NEK6: variants seen among roughly 807,000 people sequenced by gnomAD.
NEK6 encodes serine/threonine-protein kinase Nek6.
In NEK6, 27 loss-of-function variants were observed where a neutral mutation model predicts 43.5. The observed-to-expected ratio is 0.62, with a 90% CI of 0.46 to 0.86. The LOEUF (loss-of-function observed/expected upper bound fraction) is 0.86. Ranked by LOEUF, NEK6 falls within the 40% of genes least tolerant of loss-of-function variation. The pLI, the probability that NEK6 is intolerant of heterozygous loss-of-function variation, is 0.00. For synonymous variants in NEK6, 167 were observed against 164.1 expected (o/e 1.02, Z -0.14); for missense variants, 318 against 414.4 (o/e 0.77, Z 2.02).
intron 1 of NEK6, among the ~76,000 whole-genome samples, chr9:124,282,694 A>G (rs1056576201): frequency 7.2e-5 from 11 of 152,212 alleles, no homozygotes; most frequent in Non-Finnish European, 1.5e-5. Flanking sequence ...GACTCTCTGC[A>G]TCCCAGATTC....
At chr9:124,285,600 A>G (rs1832119925) in intron 1 of NEK6, among the ~76,000 whole-genome samples, 1 of 152,186 alleles carries the variant, frequency 6.6e-6, no homozygotes, top group Admixed American at 6.5e-5. Context: ...GATCCGAGCA[A>G]CAGCCGAGAT....
intron 8 of NEK6, among the ~76,000 whole-genome samples, chr9:124,341,633 T>G (rs926808713): frequency 1.3e-5 from 2 of 152,078 alleles, no homozygotes; most frequent in African/African-American, 4.8e-5. Context: ...GGAAGGGGCC[T>G]GCAGGTGAAA....
At chr9:124,292,919 C>T in intron 1 of NEK6, 2 of 1,533,848 alleles carry the variant, frequency 1.3e-6, no homozygotes, top group African/African-American at 1.4e-5. Context: ...CGGGGTGAGT[C>T]CAGGAAGGCT....
In NEK6 at chr9:124,318,593, CTGTT is replaced by C. The variant is rs554993804; in HGVS notation, c.295-2861_295-2858del. Among the ~76,000 whole-genome samples the C allele has an allele frequency of 2.5e-3, 376 of 152,148 alleles. 1 individual carries two copies. Among genetic ancestry groups the C allele is most frequent in the Non-Finnish European group, 4.4e-3 (298 of 67,990 alleles). On this transcript the variant is annotated intron_variant, in intron 4 of 9. Coordinates refer to ENST00000320246, the MANE Select transcript of NEK6 (RefSeq NM_014397.6). ...ATTAGTGATGTTGGGCATTTTTTTC[CTGTT>C]TGTTAGTTGCTTGTATGTCTTCTTT...
chr9:124,331,435 T>C (rs548406278), intron 7 of NEK6, among the ~76,000 whole-genome samples: 25 of 151,998 alleles, frequency 1.6e-4, no homozygotes, highest in African/African-American at 5.5e-4. Context: ...TCAGCTCAAG[T>C]TGAAGAGCCC....
Position 124,339,582 on chromosome 9 carries a change from T to C in NEK6, c.634T>C (p.Tyr212His). 1 of 1,613,842 alleles carries C rather than the reference T, an allele frequency of 6.2e-7. No homozygotes were observed. The highest frequency in any genetic ancestry group is 8.5e-7 in the Non-Finnish European group (1 of 1,179,778). Residue 212 changes from tyrosine (Y) to histidine (H), a missense_variant, in exon 8 of 10, where the codon TAC becomes CAC. This residue lies in a region of NEK6 where 239 missense variants were observed against 344.4 expected (regional missense o/e 0.69). Transcript: ENST00000320246. ...TAAHSLVGTP[Y>H]YMSPERIHEN... ...TTGCTGTGTTGCAGTGGGGACGCCC[T>C]ACTACATGTCACCGGAGAGGATCCA...
In NEK6 at chr9:124,347,792, C is replaced by A. The variant is rs751111474; in HGVS notation, c.801C>A (p.Pro267=). 2 of 1,612,862 alleles carry A rather than the reference C, an allele frequency of 1.2e-6. No homozygotes were observed. The highest frequency in any genetic ancestry group is 1.7e-6 in the Non-Finnish European group (2 of 1,179,274). ...AGAAGATCGAGCAGTGTGACTACCC[C>A]CCACTCCCCGGGGAGCACTACTCCG... ...LCQKIEQCDY[P]PLPGEHYSEK... The change falls in exon 9 of 10, where the codon CCC becomes CCA. Residue 267 remains proline, a synonymous_variant. Coordinates refer to ENST00000320246, the MANE Select transcript of NEK6 (RefSeq NM_014397.6).
At chr9:124,300,999 A>G (rs575496866) in intron 1 of NEK6, among the ~76,000 whole-genome samples, 2 of 152,306 alleles carry the variant, frequency 1.3e-5, no homozygotes, top group East Asian at 1.9e-4. Flanking sequence ...AGTCCCTTCC[A>G]TGCACACCAT....
At chr9:124,329,401 A>G (rs1361826486) in intron 7 of NEK6, among the ~76,000 whole-genome samples, 1 of 152,242 alleles carries the variant, frequency 6.6e-6, no homozygotes, top group African/African-American at 2.4e-5. Context: ...GGATCGCATC[A>G]TTAGGAATGG....
At chr9:124,280,188 C>T (rs1053485234) in intron 1 of NEK6, among the ~76,000 whole-genome samples, 1 of 152,268 alleles carries the variant, frequency 6.6e-6, no homozygotes, top group African/African-American at 2.4e-5. Context: ...CCAGTCCACA[C>T]TTGTGGCTTT....
intron 7 of NEK6, 100 bp downstream of exon 7, chr9:124,327,545 C>G (rs1453318554): frequency 1.1e-6 from 1 of 890,696 alleles, no homozygotes; most frequent in East Asian, 2.4e-5. Context: ...TCAGTTAGTG[C>G]AGGAAGATGC....
intron 1 of NEK6, among the ~76,000 whole-genome samples, chr9:124,273,097 G>A (rs116589166): frequency 4.1e-4 from 63 of 152,250 alleles, no homozygotes; most frequent in African/African-American, 6.7e-4. Flanking sequence ...CCATTTCCGC[G>A]TGAGCCAGGA....
At chr9:124,309,074 A>G (rs1297660238) in intron 2 of NEK6, among the ~76,000 whole-genome samples, 1 of 151,714 alleles carries the variant, frequency 6.6e-6, no homozygotes, top group Non-Finnish European at 1.5e-5. Flanking sequence ...AGCTGCCCCC[A>G]GGAGCCTGGT....
intron 7 of NEK6, among the ~76,000 whole-genome samples, chr9:124,334,921 G>A (rs1229462375): frequency 6.6e-6 from 1 of 152,232 alleles, no homozygotes; most frequent in African/African-American, 2.4e-5. Context: ...CAGATCCACA[G>A]TGAGCAGAGG....
chr9:124,257,676 A>C, upstream of NEK6: 1 of 1,532,744 alleles, frequency 6.5e-7, no homozygotes, highest in Non-Finnish European at 8.7e-7. Flanking sequence ...GACCCTCATC[A>C]TAAGTCTAGA....
At chr9:124,333,008 A>T (rs1030557248) in intron 7 of NEK6, among the ~76,000 whole-genome samples, 3 of 152,038 alleles carry the variant, frequency 2.0e-5, no homozygotes, top group African/African-American at 7.2e-5. Context: ...ATGGGCCGGG[A>T]TAAGGCCCGG....
chr9:124,345,830 C>T (rs533817410), intron 8 of NEK6, among the ~76,000 whole-genome samples: 1 of 152,208 alleles, frequency 6.6e-6, no homozygotes, highest in Non-Finnish European at 1.5e-5. Context: ...AACAGATGTC[C>T]TTTGAAAATG....
Position 124,313,975 on chromosome 9 carries a change from G to A in NEK6, c.284G>A (p.Gly95Asp), listed in dbSNP as rs774713096. 6.2e-7 allele frequency: 1 copy of A among 1,614,168 alleles called. No homozygotes were observed. The highest frequency in any genetic ancestry group is 8.5e-7 in the Non-Finnish European group (1 of 1,180,002). Residue 95 changes from glycine (G) to aspartate (D), a missense_variant, in exon 4 of 10, where the codon GGC becomes GAC. By Grantham distance (94) the Gly-to-Asp change is moderately conservative. Coordinates refer to ENST00000320246, the MANE Select transcript of NEK6 (RefSeq NM_014397.6). ...AGGCAGGACTGTGTCAAGGAGATCG[G>A]CCTCTTGAAGGTGAGCACCCTGGGC... ...KARQDCVKEI[G>D]LLKQLNHPNI... is the part of the protein sequence containing the mutation.
chr9:124,310,757 C>T (rs1040651686), intron 2 of NEK6, among the ~76,000 whole-genome samples: 3 of 152,200 alleles, frequency 2.0e-5, no homozygotes, highest in African/African-American at 4.8e-5. Context: ...CACCACCACA[C>T]CCGGCTAATT....
Sources: gnomAD v4.1 joint callset for allele counts (sites outside exome capture counted in the v4.1 genomes callset) on GRCh38, gnomAD v4.1.1 for gene constraint, gnomAD v4.1.1 regional missense constraint, MANE v1.5 for transcripts, NCBI Gene and HGNC (gene_info 2026-07-23, HGNC 2026-07-21) for gene names.